The following HPCAL1 variants were observed in gnomAD, a reference collection of about 807,000 sequenced individuals.
HPCAL1 encodes the protein hippocalcin-like protein 1.
In HPCAL1, 8 loss-of-function variants were observed where a neutral mutation model predicts 17.1. The observed-to-expected ratio is 0.47, with a 90% CI of 0.27 to 0.84. The LOEUF (loss-of-function observed/expected upper bound fraction) is 0.84. Ranked by LOEUF, HPCAL1 falls within the 40% of genes least tolerant of loss-of-function variation. HPCAL1 has a pLI of 0.13. For missense variants in HPCAL1, 165 were observed against 271.1 expected, an observed-to-expected ratio of 0.61 and a Z score of 2.75; for synonymous variants, 112 against 111.4, an observed-to-expected ratio of 1.01 and a Z score of -0.03.
intron 1 of HPCAL1, among the ~76,000 whole-genome samples, chr2:10,335,266 G>A (rs540081203): frequency 6.6e-6 from 1 of 152,344 alleles, no homozygotes; most frequent in South Asian, 2.1e-4. Flanking sequence ...GCAGCTGCCA[G>A]CTTGGGTGTT....
chr2:10,416,249 G>A (rs373230111), intron 2 of HPCAL1, among the ~76,000 whole-genome samples: 263 of 152,320 alleles, frequency 1.7e-3, no homozygotes, highest in Middle Eastern at 0.01. Context: ...TCTTTTAGGC[G>A]GGCCATGATT....
intron 1 of HPCAL1, among the ~76,000 whole-genome samples, chr2:10,332,733 T>G (rs1246709069): frequency 6.6e-6 from 1 of 150,792 alleles, no homozygotes; most frequent in Non-Finnish European, 1.5e-5. Flanking sequence ...GAGTGGAAAG[T>G]AGCTGCGAGA....
chr2:10,408,587 A>G (rs1231574769), intron 2 of HPCAL1: 3 of 152,318 alleles, frequency 2.0e-5, no homozygotes, highest in Non-Finnish European at 4.4e-5. Flanking sequence ...CTCCAAAGAG[A>G]AGGAGGAACC....
chr2:10,399,451 C>CCACCACCACCACCAT (rs1669389594), intron 2 of HPCAL1, among the ~76,000 whole-genome samples: 1 of 106,540 alleles, frequency 9.4e-6, no homozygotes, highest in Admixed American at 9.3e-5. Context: ...ATCACCATCA[C>CCACCACCACCACCAT]CACCACCACC....
chr2:10,340,483 T>C (rs1665008060), intron 1 of HPCAL1, among the ~76,000 whole-genome samples: 1 of 150,032 alleles, frequency 6.7e-6, no homozygotes, highest in African/African-American at 2.5e-5. Flanking sequence ...ATCCCTCAGA[T>C]AGTAGGAATA....
At position 10,417,161 on chromosome 2, in the gene HPCAL1, G is replaced by A. The variant is rs192971031; in HGVS notation, c.-24-2573G>A. Among the ~76,000 whole-genome samples, 22 of 152,096 alleles carry A rather than the reference G, an allele frequency of 1.4e-4. No homozygotes were observed. The East Asian group carries it at 3.5e-3, about 24-fold the overall frequency. ...GTGGATCACCTGAAGTCAGGAGTTC[G>A]AGACCAGGTTGGCCAACATGGTGAA... On this transcript the variant is annotated intron_variant, in intron 2 of 4. Transcript: ENST00000307845.
chr2:10,404,680 C>T (rs1035370826), intron 2 of HPCAL1, among the ~76,000 whole-genome samples: 4 of 152,222 alleles, frequency 2.6e-5, no homozygotes, highest in Admixed American at 6.5e-5. Context: ...CATCTTGGAC[C>T]GAGTGGGCTC....
intron 1 of HPCAL1, among the ~76,000 whole-genome samples, chr2:10,392,486 C>A (rs1386734318): frequency 6.6e-6 from 1 of 152,222 alleles, no homozygotes; most frequent in African/African-American, 2.4e-5. Flanking sequence ...TGAGACAGTT[C>A]TGGTAGTTTG....
At chr2:10,326,837 C>T (rs951117376) in intron 1 of HPCAL1, among the ~76,000 whole-genome samples, 5 of 152,110 alleles carry the variant, frequency 3.3e-5, no homozygotes, top group South Asian at 2.1e-4. Flanking sequence ...TGACAGATGC[C>T]GAGGCTCCCG....
chr2:10,328,073 A>G (rs1307772331), intron 1 of HPCAL1, among the ~76,000 whole-genome samples: 1 of 152,208 alleles, frequency 6.6e-6, no homozygotes, highest in Admixed American at 6.5e-5. Flanking sequence ...GCCCTATGTG[A>G]TGCGGAAAGA....
Position 10,419,855 on chromosome 2 carries a change from G to A in HPCAL1, c.98G>A (p.Gly33Asp). The change falls in exon 3 of 5, where the codon GGC becomes GAC. Residue 33 changes from glycine to aspartate, a missense_variant. Gly to Asp is a moderately conservative substitution (Grantham distance 94). Coordinates refer to ENST00000307845, the MANE Select transcript of HPCAL1 (RefSeq NM_002149.4). The surrounding 1 kb of genome is among the most constrained non-coding windows in gnomAD (Gnocchi z 5.0). Reference protein sequence around the residue: ...TDHELQEWYKGFLKDCPTGHL... With the variant: ...TDHELQEWYKDFLKDCPTGHL... ...CACGAGCTGCAGGAGTGGTACAAGG[G>A]CTTCCTCAAGGACTGCCCCACCGGC... 6.2e-7 allele frequency: 1 copy of A among 1,613,830 alleles called. No homozygotes were observed. The highest frequency in any genetic ancestry group is 8.5e-7 in the Non-Finnish European group (1 of 1,180,002).
At position 10,367,740 on chromosome 2, in the gene HPCAL1, C is replaced by T. The variant is rs2125502386; in HGVS notation, c.-110-29095C>T. On this transcript the variant is annotated intron_variant, in intron 1 of 4. Coordinates refer to ENST00000307845, the MANE Select transcript of HPCAL1 (RefSeq NM_002149.4). This position sits in a 1 kb window ranked among gnomAD's most constrained non-coding sequence, Gnocchi z 4.4. ...CCTTAGAACTGATGTCAGTGTGAGC[C>T]CTGTGCTGGAGTGGAGGGTGACAGA... 6.6e-6 allele frequency among the ~76,000 whole-genome samples: 1 copy of T among 152,276 alleles called. No homozygotes were observed. Among genetic ancestry groups the T allele is most frequent in the African/African-American group, 2.4e-5 (1 of 41,562 alleles).
intron 1 of HPCAL1, among the ~76,000 whole-genome samples, chr2:10,348,758 G>A (rs1023717869): frequency 3.9e-5 from 6 of 152,118 alleles, no homozygotes; most frequent in Non-Finnish European, 8.8e-5. Context: ...CAGCCTGAGC[G>A]ACAGAGTGAG....
At chr2:10,392,333 A>C (rs1462615986) in intron 1 of HPCAL1, among the ~76,000 whole-genome samples, 2 of 152,186 alleles carry the variant, frequency 1.3e-5, no homozygotes, top group African/African-American at 4.8e-5. Flanking sequence ...GAGCCACCAC[A>C]CCTGGCCAAG....
intron 1 of HPCAL1, among the ~76,000 whole-genome samples, chr2:10,380,861 G>A (rs1191225162): frequency 2.0e-5 from 3 of 152,230 alleles, no homozygotes; most frequent in Non-Finnish European, 4.4e-5. Flanking sequence ...TTGAAAACAG[G>A]AATCATTCTT....
chr2:10,373,874 G>A (rs1032296474), intron 1 of HPCAL1, among the ~76,000 whole-genome samples: 3 of 152,310 alleles, frequency 2.0e-5, no homozygotes, highest in Middle Eastern at 3.4e-3. Context: ...TGGAACTCAG[G>A]GTCTTTGGGA....
intron 1 of HPCAL1, among the ~76,000 whole-genome samples, chr2:10,352,226 C>T (rs1024163662): frequency 4.6e-5 from 7 of 152,160 alleles, no homozygotes; most frequent in African/African-American, 1.7e-4. Flanking sequence ...GTGTGTGAAC[C>T]GCAAGTGTTC....
intron 1 of HPCAL1, among the ~76,000 whole-genome samples, chr2:10,318,812 T>C (rs1479566175): frequency 1.3e-5 from 2 of 152,114 alleles, no homozygotes; most frequent in African/African-American, 2.4e-5. Context: ...GCCATCCTTT[T>C]TAAAGGAAAA....
chr2:10,379,257 C>T (rs1295029717), intron 1 of HPCAL1, among the ~76,000 whole-genome samples: 1 of 151,840 alleles, frequency 6.6e-6, no homozygotes, highest in Non-Finnish European at 1.5e-5. Flanking sequence ...AAACCCGTGC[C>T]TCCCTCTTTC....
Sources: gnomAD v4.1 joint callset for allele counts (sites outside exome capture counted in the v4.1 genomes callset) on GRCh38, gnomAD v4.1.1 for gene constraint, Gnocchi (gnomAD v3.1) non-coding constraint, MANE v1.5 for transcripts, NCBI Gene and HGNC (gene_info 2026-07-23, HGNC 2026-07-21) for gene names.